The following FLI1 variants were observed in gnomAD, a reference collection of about 807,000 sequenced individuals.
The protein encoded by FLI1 is Fli-1 proto-oncogene, ETS transcription factor, also known as Friend leukemia integration 1 transcription factor.
A neutral mutation model predicts 53.1 loss-of-function variants in FLI1; 13 were observed. The observed-to-expected ratio is 0.24, with a 90% confidence interval of 0.16 to 0.39. The LOEUF is 0.39. FLI1 is among the 10% of genes least tolerant of loss of function. FLI1 has a pLI of 1.00. For missense variants in FLI1, 424 were observed against 600.5 expected (o/e 0.71, Z 3.07); for synonymous variants, 244 against 236.7 (o/e 1.03, Z -0.28).
In FLI1 at chr11:128,718,513, G is replaced by A. The variant is rs531838170; in HGVS notation, c.18+24237G>A. ...TGCCTTCTCCTCCCCTCTGCTGGCC[G>A]GATACTGACCAATGGAGAAACCAGG... On this transcript the variant is annotated intron_variant, in intron 1 of 8. Coordinates refer to ENST00000527786, the MANE Select transcript of FLI1 (RefSeq NM_002017.5). 6.6e-5 allele frequency among the ~76,000 whole-genome samples: 10 copies of A among 152,288 alleles called. No individual in the cohort carries two copies. The East Asian group carries it at 7.7e-4, about 12-fold the overall frequency.
intron 1 of FLI1, among the ~76,000 whole-genome samples, chr11:128,711,272 A>G (rs1180345252): frequency 6.6e-6 from 1 of 152,252 alleles, no homozygotes; most frequent in African/African-American, 2.4e-5. Context: ...TGAAATCTGA[A>G]TTCAGTCAGA....
At chr11:128,695,688 G>C (rs977600928) in intron 1 of FLI1, among the ~76,000 whole-genome samples, 2 of 152,186 alleles carry the variant, frequency 1.3e-5, no homozygotes, top group Non-Finnish European at 2.9e-5. Flanking sequence ...AGCTATAAGA[G>C]CCTATAAGAG....
At chr11:128,798,947 G>A (rs1591383542) in intron 5 of FLI1, among the ~76,000 whole-genome samples, 1 of 151,936 alleles carries the variant, frequency 6.6e-6, no homozygotes, top group East Asian at 1.9e-4. Context: ...CTTCTGGGGT[G>A]GGGTTTCTCA....
At chr11:128,735,398 G>A (rs1939876745) in intron 1 of FLI1, among the ~76,000 whole-genome samples, 1 of 152,166 alleles carries the variant, frequency 6.6e-6, no homozygotes, top group Non-Finnish European at 1.5e-5. Context: ...AAGTAATCAT[G>A]GTTATCGCTT....
At chr11:128,701,816 G>A (rs538946606) in intron 1 of FLI1, among the ~76,000 whole-genome samples, 30 of 152,314 alleles carry the variant, frequency 2.0e-4, no homozygotes, top group African/African-American at 6.5e-4. Context: ...GCAAGAGGCT[G>A]GAATTACAGG....
chr11:128,776,270 A>G (rs1457890925), intron 4 of FLI1, among the ~76,000 whole-genome samples: 1 of 152,096 alleles, frequency 6.6e-6, no homozygotes, highest in East Asian at 1.9e-4. Context: ...CACACGCCAC[A>G]CAGGCGCCCA....
chr11:128,750,565 G>A (rs1469065397), intron 1 of FLI1, among the ~76,000 whole-genome samples: 6 of 152,166 alleles, frequency 3.9e-5, no homozygotes, highest in Non-Finnish European at 8.8e-5. Context: ...AGTGAAATGG[G>A]GAGATACTCA....
chr11:128,725,177 C>T (rs1939421473), intron 1 of FLI1, among the ~76,000 whole-genome samples: 1 of 152,226 alleles, frequency 6.6e-6, no homozygotes, highest in Non-Finnish European at 1.5e-5. Context: ...CTCTTCTAGC[C>T]TCAAGTCTGT....
upstream of FLI1, among the ~76,000 whole-genome samples, chr11:128,685,181 G>C (rs11221432): frequency 0.035 from 5,346 of 152,328 alleles, 135 homozygotes; most frequent in Middle Eastern, 0.075. Context: ...CCCAGGATGC[G>C]CCTGAGCTGA....
chr11:128,699,797 T>C (rs1203796208), intron 1 of FLI1, among the ~76,000 whole-genome samples: 1 of 152,194 alleles, frequency 6.6e-6, no homozygotes, highest in Non-Finnish European at 1.5e-5. Context: ...GCAGGGCCAA[T>C]ATAGTGCAAA....
chr11:128,755,290 G>T (rs543291113), intron 1 of FLI1, among the ~76,000 whole-genome samples: 2 of 152,338 alleles, frequency 1.3e-5, no homozygotes, highest in Admixed American at 6.5e-5. Flanking sequence ...GGAAGGGAAA[G>T]AAATTATTTT....
intron 1 of FLI1, among the ~76,000 whole-genome samples, chr11:128,720,327 T>C (rs1179858872): frequency 2.6e-5 from 4 of 152,244 alleles, no homozygotes; most frequent in African/African-American, 9.7e-5. Context: ...ATTTTAGTTA[T>C]GCCCAGCTTC....
intron 4 of FLI1, among the ~76,000 whole-genome samples, chr11:128,780,807 C>A (rs148060609): frequency 6.6e-6 from 1 of 152,094 alleles, no homozygotes; most frequent in Non-Finnish European, 1.5e-5. Flanking sequence ...CCACAGGGAG[C>A]GGGGAAAAGG....
intron 2 of FLI1, among the ~76,000 whole-genome samples, chr11:128,761,650 T>A (rs1941127276): frequency 6.6e-6 from 1 of 151,938 alleles, no homozygotes; most frequent in African/African-American, 2.4e-5. Flanking sequence ...TGCTCACCAC[T>A]CCCTCCCCTG....
At chr11:128,734,757 A>G (rs1226112784) in intron 1 of FLI1, among the ~76,000 whole-genome samples, 1 of 152,232 alleles carries the variant, frequency 6.6e-6, no homozygotes. Context: ...AGTGCATGCC[A>G]TCAATCAGCA....
At chr11:128,685,670 C>G (rs867959718), upstream of FLI1, among the ~76,000 whole-genome samples, 2 of 141,338 alleles carry the variant, frequency 1.4e-5, no homozygotes, top group African/African-American at 2.7e-5. Context: ...TATACCTTGT[C>G]CCTGCACTAG....
intron 5 of FLI1, among the ~76,000 whole-genome samples, chr11:128,787,035 G>A (rs139398087): frequency 1.6e-4 from 25 of 152,246 alleles, no homozygotes; most frequent in African/African-American, 4.8e-4. Context: ...AAAGTCTGTC[G>A]GCTTGCATGC....
intron 1 of FLI1, among the ~76,000 whole-genome samples, chr11:128,750,949 C>T (rs1940617658): frequency 6.6e-6 from 1 of 152,198 alleles, no homozygotes; most frequent in African/African-American, 2.4e-5. Context: ...GTGCTAGCCA[C>T]CTACCATTTT....
intron 3 of FLI1, among the ~76,000 whole-genome samples, chr11:128,771,577 C>T (rs563857015): frequency 2.3e-4 from 35 of 152,332 alleles, no homozygotes; most frequent in Middle Eastern, 6.8e-3. Context: ...CCTTCACAGA[C>T]GCTGTAGAAT....
Sources: gnomAD v4.1 joint callset for allele counts (sites outside exome capture counted in the v4.1 genomes callset) on GRCh38, gnomAD v4.1.1 for gene constraint, MANE v1.5 for transcripts, NCBI Gene and HGNC (gene_info 2026-07-23, HGNC 2026-07-21) for gene names.